Variants in CTNNA2 observed in about 807,000 individuals in gnomAD.
The protein encoded by CTNNA2 is catenin alpha 2.
In CTNNA2, 42 loss-of-function variants were observed where a neutral mutation model predicts 101.0. The observed-to-expected ratio is 0.42, with a 90% CI of 0.32 to 0.54. The LOEUF is 0.54. Ranked by LOEUF, CTNNA2 falls within the 20% of genes least tolerant of loss-of-function variation. The pLI is 0.14. For missense variants in CTNNA2, 871 were observed against 1,223.1 expected (o/e 0.71, Z 4.29); for synonymous variants, 450 against 456.4 (o/e 0.99, Z 0.18).
chr2:79,211,637 A>G (rs1008763040), intron 2 of CTNNA2, among the ~76,000 whole-genome samples: 2 of 152,164 alleles, frequency 1.3e-5, no homozygotes, highest in African/African-American at 2.4e-5. Flanking sequence ...AGGCAGGAAC[A>G]GGCCATTTTC....
Position 80,544,312 on chromosome 2 carries a change from A to G in CTNNA2, c.1291-670A>G, listed in dbSNP as rs1043425450. 4.6e-5 allele frequency among the ~76,000 whole-genome samples: 7 copies of G among 152,058 alleles called. No individual in the cohort carries two copies. In the South Asian group the frequency reaches 6.2e-4, roughly 14 times the overall value. ...AGGAACCAAGGAGGGGGAAAAAAAA[A>G]ACTGTTGGCTTTGAAAATGGAAGGT... On this transcript the variant is annotated intron_variant, in intron 9 of 18. Transcript: ENST00000402739.
At chr2:80,378,171 A>G (rs566390514) in intron 7 of CTNNA2, among the ~76,000 whole-genome samples, 2 of 152,114 alleles carry the variant, frequency 1.3e-5, no homozygotes, top group South Asian at 2.1e-4. Flanking sequence ...CCTGCCCAAC[A>G]TGGTGAAACC....
At chr2:79,963,609 A>G (rs1012218595) in intron 7 of CTNNA2, among the ~76,000 whole-genome samples, 1 of 152,194 alleles carries the variant, frequency 6.6e-6, no homozygotes, top group African/African-American at 2.4e-5. Context: ...GCCACTGGGC[A>G]GAGCTGCTTT....
intron 1 of CTNNA2, among the ~76,000 whole-genome samples, chr2:79,579,029 C>G (rs1382639407): frequency 6.6e-6 from 1 of 151,526 alleles, no homozygotes; most frequent in East Asian, 1.9e-4. Context: ...TCCTCCCTTC[C>G]TTCCTCCTTT....
At chr2:80,381,191 G>T (rs558728617) in intron 7 of CTNNA2, among the ~76,000 whole-genome samples, 1 of 151,762 alleles carries the variant, frequency 6.6e-6, no homozygotes, top group East Asian at 2.0e-4. Flanking sequence ...GGGGCAGCCT[G>T]GCCTTCCCCC....
chr2:79,802,295 T>C (rs1676226733), intron 3 of CTNNA2, among the ~76,000 whole-genome samples: 1 of 152,208 alleles, frequency 6.6e-6, no homozygotes, highest in African/African-American at 2.4e-5. Context: ...TAAATTATTG[T>C]AACACCAGTT....
chr2:79,467,349 C>T (rs962409391), intron 4 of CTNNA2, among the ~76,000 whole-genome samples: 1 of 152,144 alleles, frequency 6.6e-6, no homozygotes, highest in Non-Finnish European at 1.5e-5. Flanking sequence ...AAGAAAGAAA[C>T]AAAACTTCCA....
chr2:80,062,170 G>A (rs955320929), intron 7 of CTNNA2, among the ~76,000 whole-genome samples: 6 of 152,158 alleles, frequency 3.9e-5, no homozygotes, highest in African/African-American at 1.4e-4. Context: ...CTTCACAATG[G>A]TCCTTTTAAT....
At chr2:79,623,921 T>C (rs1245562626) in intron 1 of CTNNA2, among the ~76,000 whole-genome samples, 2 of 152,162 alleles carry the variant, frequency 1.3e-5, no homozygotes, top group Non-Finnish European at 2.9e-5. Context: ...TCATACTGAG[T>C]AGTAGCTCTG....
chr2:80,125,999 G>T (rs749086934), intron 7 of CTNNA2, among the ~76,000 whole-genome samples: 20 of 152,120 alleles, frequency 1.3e-4, no homozygotes, highest in Admixed American at 1.2e-3. Flanking sequence ...ACTATAACTC[G>T]CACTCAGCCA....
At chr2:80,525,641 G>A (rs933134543) in intron 9 of CTNNA2, among the ~76,000 whole-genome samples, 2 of 152,008 alleles carry the variant, frequency 1.3e-5, no homozygotes, top group South Asian at 4.1e-4. Context: ...CTCTCCTATC[G>A]TAGCCTGTCC....
At chr2:80,541,614 C>CT (rs1174912018) in intron 9 of CTNNA2, among the ~76,000 whole-genome samples, 24 of 152,154 alleles carry the variant, frequency 1.6e-4, no homozygotes, top group Non-Finnish European at 3.4e-4. Context: ...CTTCTGAGCT[C>CT]TAAGTCCCAC....
At chr2:80,232,438 C>T (rs771206197) in intron 7 of CTNNA2, among the ~76,000 whole-genome samples, 10 of 143,384 alleles carry the variant, frequency 7.0e-5, no homozygotes, top group African/African-American at 1.0e-4. Flanking sequence ...CCTCTTTCCC[C>T]ACCCTTCTCC....
intron 2 of CTNNA2, among the ~76,000 whole-genome samples, chr2:79,244,232 C>A (rs1250075967): frequency 6.6e-6 from 1 of 152,188 alleles, no homozygotes; most frequent in Non-Finnish European, 1.5e-5. Flanking sequence ...TCAAAACTAT[C>A]ACCCAGAACT....
chr2:79,446,140 A>G (rs538593398), intron 4 of CTNNA2, among the ~76,000 whole-genome samples: 1 of 152,156 alleles, frequency 6.6e-6, no homozygotes, highest in East Asian at 1.9e-4. Flanking sequence ...TTTTTTCCAT[A>G]AAGAGGTCCC....
intron 2 of CTNNA2, among the ~76,000 whole-genome samples, chr2:79,250,587 G>C (rs140182382): frequency 6.6e-6 from 1 of 152,162 alleles, no homozygotes; most frequent in South Asian, 2.1e-4. Flanking sequence ...CTGGATTTGC[G>C]TAAGAATGGC....
chr2:79,486,984 A>C (rs1437343381), intron 4 of CTNNA2, among the ~76,000 whole-genome samples: 1 of 152,234 alleles, frequency 6.6e-6, no homozygotes, highest in Non-Finnish European at 1.5e-5. Context: ...CACAGAAAGA[A>C]TACATGTATA....
At chr2:79,873,026 T>C (rs1682709952) in intron 5 of CTNNA2, among the ~76,000 whole-genome samples, 1 of 152,216 alleles carries the variant, frequency 6.6e-6, no homozygotes, top group South Asian at 2.1e-4. Context: ...ACAAATCATC[T>C]TTGGCCTGTT....
chr2:79,701,724 G>A (rs925369338), intron 2 of CTNNA2, among the ~76,000 whole-genome samples: 10 of 152,238 alleles, frequency 6.6e-5, no homozygotes, highest in Admixed American at 1.3e-4. Flanking sequence ...GATGTAGGCC[G>A]GACATGATGG....
Sources: allele counts gnomAD v4.1 joint callset (sites outside exome capture counted in the v4.1 genomes callset), GRCh38; gene constraint gnomAD v4.1.1; transcripts MANE v1.5; gene names NCBI Gene and HGNC (gene_info 2026-07-23, HGNC 2026-07-21).